The following RUBCNL variants were observed in gnomAD, a reference collection of about 807,000 sequenced individuals.
RUBCNL encodes protein associated with UVRAG as autophagy enhancer.
Under a neutral mutation model 69.5 loss-of-function variants are expected in RUBCNL, and 62 were observed. That is an observed-to-expected ratio of 0.89 (90% CI 0.73 to 1.10). RUBCNL has a LOEUF of 1.10. RUBCNL is among the 50% of genes least tolerant of loss of function. The pLI is 0.00. For missense variants in RUBCNL, 768 were observed against 798.1 expected (o/e 0.96, Z 0.45); for synonymous variants, 291 against 303.6 (o/e 0.96, Z 0.43).
Position 46,377,883 on chromosome 13 carries a change from C to T in RUBCNL, c.-123+7G>A. 2 of 1,562,916 alleles carry T rather than the reference C, an allele frequency of 1.3e-6. No homozygotes were observed. The highest frequency in any genetic ancestry group is 1.8e-6 in the Non-Finnish European group (2 of 1,137,778). Reference sequence around the variant, plus strand: ...AGAGAAGACAAAAGGCCAGGTCGGACACTCACCAGGAGTATGAATTTCTCG... The same window carrying T: ...AGAGAAGACAAAAGGCCAGGTCGGATACTCACCAGGAGTATGAATTTCTCG... On this transcript the variant is annotated splice_region_variant and intron_variant, in intron 2 of 14. Coordinates refer to ENST00000429979, the MANE Select transcript of RUBCNL (RefSeq NM_025113.5).
intron 12 of RUBCNL, among the ~76,000 whole-genome samples, chr13:46,347,198 G>A (rs1170442870): frequency 1.3e-5 from 2 of 152,130 alleles, no homozygotes; most frequent in African/African-American, 2.4e-5. Context: ...CTGAGGTCGG[G>A]AGTTTAAGAC....
chr13:46,364,905 C>T (rs1038851680), intron 5 of RUBCNL, among the ~76,000 whole-genome samples: 1 of 152,086 alleles, frequency 6.6e-6, no homozygotes, highest in African/African-American at 2.4e-5. Flanking sequence ...CAGCTACCAT[C>T]AATTTACACC....
chr13:46,347,029 T>C (rs2048260142), intron 12 of RUBCNL, among the ~76,000 whole-genome samples: 1 of 152,224 alleles, frequency 6.6e-6, no homozygotes, highest in Admixed American at 6.5e-5. Context: ...GCAGGTTTGT[T>C]ACACAGGTAT....
At chr13:46,360,161 G>T (rs1160656772) in intron 8 of RUBCNL, among the ~76,000 whole-genome samples, 2 of 152,042 alleles carry the variant, frequency 1.3e-5, no homozygotes, top group Non-Finnish European at 2.9e-5. Context: ...GGCCGAGGTG[G>T]GTGGATCACT....
At chr13:46,345,684 C>A in intron 12 of RUBCNL, 84 bp from the exon 13 acceptor site, 2 of 1,352,112 alleles carry the variant, frequency 1.5e-6, no homozygotes, top group Non-Finnish European at 9.9e-7. Context: ...TTTCTCTTGG[C>A]ACTCACACTT....
chr13:46,347,595 C>T (rs954714711), intron 12 of RUBCNL, among the ~76,000 whole-genome samples: 2 of 152,070 alleles, frequency 1.3e-5, no homozygotes, highest in African/African-American at 4.8e-5. Context: ...ACTTTATTCA[C>T]AATAGCCAAG....
intron 3 of RUBCNL, among the ~76,000 whole-genome samples, chr13:46,369,245 C>T (rs937720946): frequency 2.0e-5 from 3 of 152,188 alleles, no homozygotes; most frequent in African/African-American, 4.8e-5. Flanking sequence ...GACAATATCT[C>T]GCTCTGTCAC....
chr13:46,382,412 T>G (rs913611858), intron 1 of RUBCNL, among the ~76,000 whole-genome samples: 1 of 151,060 alleles, frequency 6.6e-6, no homozygotes, highest in Admixed American at 6.6e-5. Context: ...GAAATTGTCA[T>G]GATAGAACTA....
At chr13:46,379,057 C>G (rs1002988876) in intron 1 of RUBCNL, among the ~76,000 whole-genome samples, 3 of 152,144 alleles carry the variant, frequency 2.0e-5, no homozygotes, top group African/African-American at 4.8e-5. Flanking sequence ...TAGTACCCCC[C>G]AGAATGTTAA....
chr13:46,348,973 C>T (rs2138686559), intron 12 of RUBCNL, among the ~76,000 whole-genome samples: 1 of 152,252 alleles, frequency 6.6e-6, no homozygotes, highest in Middle Eastern at 3.4e-3. Context: ...GTAAGACGTG[C>T]TTTTGCTCCT....
intron 12 of RUBCNL, 110 bp downstream of exon 12, chr13:46,349,176 C>T (rs1194036934): frequency 2.3e-6 from 2 of 868,658 alleles, no homozygotes; most frequent in East Asian, 2.6e-5. Flanking sequence ...GCCATGAGGT[C>T]ATCACTGTGC....
At chr13:46,365,302 CAAAAA>C (rs34280215) in intron 5 of RUBCNL, among the ~76,000 whole-genome samples, 2 of 59,456 alleles carry the variant, frequency 3.4e-5, no homozygotes, top group African/African-American at 6.7e-5. Context: ...GACTCCATCT[CAAAAA>C]AAAAAAAAAA....
In RUBCNL at chr13:46,338,072, C is replaced by T. The variant is rs1314246968; in HGVS notation, c.*5313G>A. Among the ~76,000 whole-genome samples, 2 of 152,068 alleles carry T rather than the reference C, an allele frequency of 1.3e-5. No homozygotes were observed. Among genetic ancestry groups the T allele is most frequent in the Non-Finnish European group, 2.9e-5 (2 of 68,020 alleles). ...AAGGAGAAGGGAGCATGTGTGTGCA[C>T]GTGCAGTACGCTGAAGAATGGGCAA... On this transcript the variant is annotated 3_prime_UTR_variant, in exon 15 of 15. Coordinates refer to ENST00000429979, the MANE Select transcript of RUBCNL (RefSeq NM_025113.5).
chr13:46,338,527 A>C lies in RUBCNL; in HGVS notation c.*4858T>G, dbSNP rs2048118880. Among the ~76,000 whole-genome samples the C allele has an allele frequency of 1.3e-5, 2 of 152,076 alleles. No individual in the cohort carries two copies. The highest frequency in any genetic ancestry group is 4.8e-5 in the African/African-American group (2 of 41,420). On this transcript the variant is annotated 3_prime_UTR_variant, in exon 15 of 15. Transcript: ENST00000429979. ...TTCTGTCTGGGGCTCCATTTGATCT[A>C]ACAGGAGGGGTGGGGGCTTTGGGTG...
intron 7 of RUBCNL, 90 bp from the exon 8 acceptor site, chr13:46,361,663 C>T (rs73478082): frequency 6.7e-6 from 9 of 1,352,666 alleles, no homozygotes; most frequent in South Asian, 2.7e-5. Context: ...TTCTTCCCAG[C>T]CCCCAAAACT....
At chr13:46,348,550 G>A (rs749035346) in intron 12 of RUBCNL, among the ~76,000 whole-genome samples, 3 of 151,814 alleles carry the variant, frequency 2.0e-5, no homozygotes, top group Non-Finnish European at 2.9e-5. Context: ...ATTGAATCAT[G>A]AGGCACGTCT....
chr13:46,368,074 C>A lies in RUBCNL; in HGVS notation c.794G>T (p.Gly265Val), dbSNP rs1333700301. Residue 265 changes from glycine to valine, a missense_variant, in exon 5 of 15, where the codon GGG (glycine) becomes GTG (valine). Transcript: ENST00000429979. ...GCCACTGTATGAAGAAGTAGAAGAC[C>A]CAGACTCTTGCTTTATGTTGGTATC... ...TFDTNIKQES[G>V]SSTSSYSGYE... The A allele has an allele frequency of 2.5e-6, 4 of 1,613,866 alleles. No individual in the cohort carries two copies. Among genetic ancestry groups the A allele is most frequent in the Non-Finnish European group, 2.5e-6 (3 of 1,179,852 alleles).
At chr13:46,357,049 A>C (rs1233049725) in intron 9 of RUBCNL, among the ~76,000 whole-genome samples, 1 of 149,746 alleles carries the variant, frequency 6.7e-6, no homozygotes, top group East Asian at 2.1e-4. Flanking sequence ...ATCTCTTTAA[A>C]AGCTTCTGCT....
intron 1 of RUBCNL, among the ~76,000 whole-genome samples, chr13:46,379,935 G>A (rs1202820600): frequency 6.6e-6 from 1 of 152,204 alleles, no homozygotes; most frequent in Non-Finnish European, 1.5e-5. Flanking sequence ...CCATCAAGAT[G>A]CCCAATAATT....
Sources: gnomAD v4.1 joint callset for allele counts (sites outside exome capture counted in the v4.1 genomes callset) on GRCh38, gnomAD v4.1.1 for gene constraint, MANE v1.5 for transcripts, NCBI Gene and HGNC (gene_info 2026-07-23, HGNC 2026-07-21) for gene names.